PPP3CA: variants seen among roughly 807,000 people sequenced by gnomAD.
PPP3CA encodes the protein CAM-PRP catalytic subunit.
Under a neutral mutation model 66.5 loss-of-function variants are expected in PPP3CA, and 14 were observed. That is an observed-to-expected ratio of 0.21 (90% CI 0.14 to 0.33). The LOEUF is 0.33. Ranked by LOEUF, PPP3CA falls within the 10% of genes least tolerant of loss-of-function variation. PPP3CA has a pLI of 1.00. For synonymous variants in PPP3CA, 232 were observed against 226.2 expected (o/e 1.03, Z -0.23); for missense variants, 317 against 639.5 (o/e 0.50, Z 5.44).
intron 2 of PPP3CA, among the ~76,000 whole-genome samples, chr4:101,132,948 C>A (rs980164609): frequency 2.0e-5 from 3 of 152,136 alleles, no homozygotes; most frequent in Admixed American, 2.0e-4. Flanking sequence ...GTTCAACATA[C>A]GCAAACCAAT....
chr4:101,341,169 A>G (rs944838664), intron 1 of PPP3CA, among the ~76,000 whole-genome samples: 1 of 151,340 alleles, frequency 6.6e-6, no homozygotes, highest in Non-Finnish European at 1.5e-5. Flanking sequence ...GATATCTTAA[A>G]TATACCAAAA....
chr4:101,109,095 T>A lies in PPP3CA; in HGVS notation c.260-17A>T. On this transcript the variant is annotated splice_polypyrimidine_tract_variant and intron_variant, in intron 2 of 13. Coordinates refer to ENST00000394854, the MANE Select transcript of PPP3CA (RefSeq NM_000944.5). ...CCCCACAAACTGAAAGAAACAAAATTCATTTTATGGTCATATTATGTTAGG... is the reference window on the plus strand; with the variant it reads ...CCCCACAAACTGAAAGAAACAAAATACATTTTATGGTCATATTATGTTAGG... 1 of 1,609,310 alleles carries A rather than the reference T, an allele frequency of 6.2e-7. No homozygotes were observed. The highest frequency in any genetic ancestry group is 8.5e-7 in the Non-Finnish European group (1 of 1,176,220).
In PPP3CA at chr4:101,153,574, A is replaced by G. The variant is rs115582981; in HGVS notation, c.259+42342T>C. ...AGATCTTTGAACAAAGAATCACGTCAACAAAGAGGGTGTCAAAATATCAAC... is the reference window on the plus strand; with the variant it reads ...AGATCTTTGAACAAAGAATCACGTCGACAAAGAGGGTGTCAAAATATCAAC... On this transcript the variant is annotated intron_variant, in intron 2 of 13. Transcript: ENST00000394854. 5.3e-3 allele frequency among the ~76,000 whole-genome samples: 807 copies of G among 152,318 alleles called. 9 individuals carry two copies. Among genetic ancestry groups the G allele is most frequent in the African/African-American group, 0.018 (760 of 41,554 alleles).
chr4:101,219,324 C>T (rs577683565), intron 1 of PPP3CA, among the ~76,000 whole-genome samples: 1 of 152,020 alleles, frequency 6.6e-6, no homozygotes, highest in South Asian at 2.1e-4. Context: ...GTATAATGAA[C>T]ATTGCAGATA....
At chr4:101,261,605 A>G (rs1282280693) in intron 1 of PPP3CA, among the ~76,000 whole-genome samples, 3 of 152,120 alleles carry the variant, frequency 2.0e-5, no homozygotes, top group Non-Finnish European at 4.4e-5. Flanking sequence ...ATTGTCCTTT[A>G]TAAGTGACTA....
At position 101,064,078 on chromosome 4, in the gene PPP3CA, T is replaced by C. The variant is rs543659505; in HGVS notation, c.956-721A>G. Among the ~76,000 whole-genome samples the C allele has an allele frequency of 8.5e-5, 13 of 152,082 alleles. No individual in the cohort carries two copies. The South Asian group carries it at 2.7e-3, about 32-fold the overall frequency. ...GCTTTCTTGACTTAATAAAATAAAA[T>C]GTTTGGATTGAATCCCACATAAAAT... On this transcript the variant is annotated intron_variant, in intron 8 of 13. Coordinates refer to ENST00000394854, the MANE Select transcript of PPP3CA (RefSeq NM_000944.5).
chr4:101,149,369 C>T (rs1723063255), intron 2 of PPP3CA, among the ~76,000 whole-genome samples: 1 of 152,056 alleles, frequency 6.6e-6, no homozygotes, highest in African/African-American at 2.4e-5. Context: ...ATGTATTAAT[C>T]AGAAAATAAC....
chr4:101,269,252 T>C (rs78765060), intron 1 of PPP3CA, among the ~76,000 whole-genome samples: 1 of 152,206 alleles, frequency 6.6e-6, no homozygotes, highest in East Asian at 1.9e-4. Context: ...GGAAGAATCA[T>C]CTTTCCAGAA....
intron 2 of PPP3CA, among the ~76,000 whole-genome samples, chr4:101,194,953 C>T (rs553475938): frequency 9.9e-5 from 15 of 151,902 alleles, no homozygotes; most frequent in South Asian, 4.2e-4. Flanking sequence ...TAAGAAATAA[C>T]AAAACTAAAA....
At chr4:101,033,770 C>G (rs1231713540) in intron 11 of PPP3CA, among the ~76,000 whole-genome samples, 1 of 152,184 alleles carries the variant, frequency 6.6e-6, no homozygotes, top group Non-Finnish European at 1.5e-5. Context: ...ACTTCATACC[C>G]ATTAAGCAGT....
intron 1 of PPP3CA, among the ~76,000 whole-genome samples, chr4:101,265,046 A>G (rs2165505): frequency 0.65 from 99,318 of 152,018 alleles, 33,553 homozygotes; most frequent in Non-Finnish European, 0.75. Context: ...AAAAATTTAT[A>G]TTACCACTAT....
chr4:101,159,412 C>T (rs755681466), intron 2 of PPP3CA, among the ~76,000 whole-genome samples: 9 of 152,092 alleles, frequency 5.9e-5, no homozygotes, highest in Non-Finnish European at 8.8e-5. Flanking sequence ...AAGAACAGTG[C>T]CAGCCTCTGA....
intron 1 of PPP3CA, among the ~76,000 whole-genome samples, chr4:101,235,746 A>C (rs1352740224): frequency 6.6e-6 from 1 of 151,898 alleles, no homozygotes; most frequent in Non-Finnish European, 1.5e-5. Flanking sequence ...AAACTGAGTT[A>C]CTTCATGTGT....
chr4:101,239,114 T>A (rs10019627), intron 1 of PPP3CA, among the ~76,000 whole-genome samples: 6,868 of 152,156 alleles, frequency 0.045, 482 homozygotes, highest in African/African-American at 0.15. Context: ...AAAACTTATT[T>A]TTGCCAATAG....
At chr4:101,192,902 A>G (rs1022436868) in intron 2 of PPP3CA, among the ~76,000 whole-genome samples, 14 of 152,216 alleles carry the variant, frequency 9.2e-5, no homozygotes, top group Admixed American at 3.9e-4. Flanking sequence ...TAAGTTCTCA[A>G]TGCATATTCA....
At chr4:101,285,399 A>G (rs977881799) in intron 1 of PPP3CA, among the ~76,000 whole-genome samples, 1 of 150,668 alleles carries the variant, frequency 6.6e-6, no homozygotes, top group African/African-American at 2.5e-5. Context: ...ACTAATCTGT[A>G]AATAAATGGA....
intron 2 of PPP3CA, among the ~76,000 whole-genome samples, chr4:101,167,858 G>C (rs1723742322): frequency 6.6e-6 from 1 of 152,134 alleles, no homozygotes; most frequent in African/African-American, 2.4e-5. Context: ...AATGAACAAG[G>C]GTAGCAGGAG....
chr4:101,283,416 T>C (rs1433954555), intron 1 of PPP3CA, among the ~76,000 whole-genome samples: 1 of 152,210 alleles, frequency 6.6e-6, no homozygotes, highest in South Asian at 2.1e-4. Flanking sequence ...TATAAATCAT[T>C]AGTCTCTCAG....
intron 1 of PPP3CA, among the ~76,000 whole-genome samples, chr4:101,216,925 T>C (rs542213447): frequency 6.6e-6 from 1 of 152,244 alleles, no homozygotes; most frequent in Non-Finnish European, 1.5e-5. Flanking sequence ...AGAAACCATT[T>C]TGACAAAGAA....
Sources: gnomAD v4.1 joint callset for allele counts (sites outside exome capture counted in the v4.1 genomes callset) on GRCh38, gnomAD v4.1.1 for gene constraint, MANE v1.5 for transcripts, NCBI Gene and HGNC (gene_info 2026-07-23, HGNC 2026-07-21) for gene names.